The following GAREM1 variants were observed in gnomAD, a reference collection of about 807,000 sequenced individuals.
The protein encoded by GAREM1 is GRB2 associated regulator of MAPK1 subtype 1, also known as GRB2-associated and regulator of MAPK protein 1.
Under a neutral mutation model 71.3 loss-of-function variants are expected in GAREM1, and 26 were observed. The observed-to-expected ratio is 0.36, with a 90% CI of 0.27 to 0.51. The LOEUF is 0.51. Among genes scored for constraint, GAREM1 ranks in the 20% least tolerant of loss-of-function variants. The pLI, the probability that GAREM1 is intolerant of heterozygous loss-of-function variation, is 0.95. For synonymous variants in GAREM1, 440 were observed against 433.2 expected, an observed-to-expected ratio of 1.02 and a Z score of -0.20; for missense variants, 1,026 against 1,103.1, an observed-to-expected ratio of 0.93 and a Z score of 0.99.
intron 3 of GAREM1, among the ~76,000 whole-genome samples, chr18:32,307,078 T>G (rs932815993): frequency 2.0e-5 from 3 of 152,236 alleles, no homozygotes; most frequent in Non-Finnish European, 4.4e-5. Context: ...GTTAAAATTT[T>G]GCTACAGTTT....
chr18:32,351,449 G>T (rs998145633), intron 2 of GAREM1, among the ~76,000 whole-genome samples: 6 of 151,982 alleles, frequency 3.9e-5, no homozygotes, highest in African/African-American at 1.4e-4. Context: ...ATTAATAAAG[G>T]TTCAGACATT....
intron 2 of GAREM1, among the ~76,000 whole-genome samples, chr18:32,351,218 T>C (rs1274187411): frequency 2.6e-5 from 4 of 152,180 alleles, no homozygotes; most frequent in South Asian, 2.1e-4. Context: ...AGGCACCAGA[T>C]GAAACACATC....
At chr18:32,268,872 G>T (rs1327642697) in intron 5 of GAREM1, 104 bp from the exon 6 acceptor site, 1 of 902,210 alleles carries the variant, frequency 1.1e-6, no homozygotes, top group Non-Finnish European at 1.7e-6. Context: ...AGCGCAGTTA[G>T]TTTTGAATTC....
At chr18:32,293,635 T>C (rs949360896) in intron 3 of GAREM1, among the ~76,000 whole-genome samples, 3 of 152,148 alleles carry the variant, frequency 2.0e-5, no homozygotes, top group Non-Finnish European at 4.4e-5. Flanking sequence ...AGATCCAAAT[T>C]TATAGGAGTT....
At chr18:32,358,390 G>T (rs1316249889) in intron 2 of GAREM1, among the ~76,000 whole-genome samples, 1 of 151,962 alleles carries the variant, frequency 6.6e-6, no homozygotes, top group Admixed American at 6.6e-5. Flanking sequence ...TTCTCTCTGT[G>T]TACTCATTCA....
intron 2 of GAREM1, among the ~76,000 whole-genome samples, chr18:32,340,972 T>C (rs1191173920): frequency 6.6e-6 from 1 of 152,094 alleles, no homozygotes; most frequent in Non-Finnish European, 1.5e-5. Flanking sequence ...AGAATTGATG[T>C]GTATTGGATT....
chr18:32,284,265 T>C (rs2046985467), intron 4 of GAREM1, among the ~76,000 whole-genome samples: 1 of 152,238 alleles, frequency 6.6e-6, no homozygotes, highest in African/African-American at 2.4e-5. Context: ...TTCAGGTGTT[T>C]ATAAAAAATC....
chr18:32,326,167 G>A (rs1352687432), intron 2 of GAREM1, among the ~76,000 whole-genome samples: 9 of 152,182 alleles, frequency 5.9e-5, no homozygotes, highest in Admixed American at 5.9e-4. Context: ...AGAGGAAAGA[G>A]CTATGCAGAA....
At chr18:32,395,387 C>A (rs2048242482) in intron 1 of GAREM1, among the ~76,000 whole-genome samples, 1 of 152,140 alleles carries the variant, frequency 6.6e-6, no homozygotes, top group Non-Finnish European at 1.5e-5. Flanking sequence ...GAGAAGACAG[C>A]CAATACCAAT....
intron 2 of GAREM1, among the ~76,000 whole-genome samples, chr18:32,324,175 G>A (rs1319452623): frequency 6.6e-6 from 1 of 152,174 alleles, no homozygotes; most frequent in Non-Finnish European, 1.5e-5. Context: ...CAAAGCTGAG[G>A]TGTCTAGGAA....
At chr18:32,417,947 C>T (rs1405823162) in intron 1 of GAREM1, among the ~76,000 whole-genome samples, 1 of 152,080 alleles carries the variant, frequency 6.6e-6, no homozygotes, top group Non-Finnish European at 1.5e-5. Context: ...GATTATTATA[C>T]ACTGCATGCC....
Position 32,268,132 on chromosome 18 carries a change from C to G in GAREM1, c.2370G>C (p.Gln790His). The G allele has an allele frequency of 6.2e-7, 1 of 1,614,088 alleles. No individual in the cohort carries two copies. ...CGTCGCCACAGGATCTGGGGGCCAG[C>G]TGGAGATGGAGCGGAGATGAGAAAG... The part of the protein sequence containing the change: ...SYPFSSPLHL[Q>H]LAPRSCGDGS... Residue 790 changes from glutamine (Q) to histidine (H), a missense_variant, in exon 6 of 6, where the codon CAG becomes CAC. Gln to His is a conservative substitution (Grantham distance 24). Coordinates refer to ENST00000269209, the MANE Select transcript of GAREM1 (RefSeq NM_001242409.2).
intron 1 of GAREM1, among the ~76,000 whole-genome samples, chr18:32,445,385 T>C (rs2048776703): frequency 6.6e-6 from 1 of 152,168 alleles, no homozygotes. Flanking sequence ...AGAACAGATT[T>C]GTAAGCAGTA....
At chr18:32,451,059 A>T (rs2144292542) in intron 1 of GAREM1, among the ~76,000 whole-genome samples, 1 of 152,280 alleles carries the variant, frequency 6.6e-6, no homozygotes, top group African/African-American at 2.4e-5. Context: ...CTGAGGTGGC[A>T]GAACCACTTG....
intron 3 of GAREM1, among the ~76,000 whole-genome samples, chr18:32,290,703 A>T (rs1465710320): frequency 1.3e-5 from 2 of 152,034 alleles, no homozygotes; most frequent in Non-Finnish European, 2.9e-5. Flanking sequence ...AACTAACAAG[A>T]TGTACAATGG....
At chr18:32,309,368 C>G (rs1227163139) in intron 3 of GAREM1, among the ~76,000 whole-genome samples, 1 of 149,118 alleles carries the variant, frequency 6.7e-6, no homozygotes, top group Non-Finnish European at 1.5e-5. Context: ...GTAATCCCAG[C>G]ACTTTGGGAG....
chr18:32,309,297 A>G (rs188185351), intron 3 of GAREM1, among the ~76,000 whole-genome samples: 2 of 149,582 alleles, frequency 1.3e-5, no homozygotes, highest in Admixed American at 6.7e-5. Flanking sequence ...CAACATCTGG[A>G]CAAGGACTGC....
intron 2 of GAREM1, among the ~76,000 whole-genome samples, chr18:32,324,263 C>T (rs955149928): frequency 5.3e-5 from 8 of 152,170 alleles, no homozygotes; most frequent in South Asian, 2.1e-4. Flanking sequence ...AGCCAAACTG[C>T]GTACACAGAG....
intron 4 of GAREM1, among the ~76,000 whole-genome samples, chr18:32,274,194 A>G (rs918230828): frequency 1.3e-5 from 2 of 152,146 alleles, no homozygotes; most frequent in African/African-American, 4.8e-5. Context: ...GGTGGGCTGT[A>G]TGCGTTCTGG....
Sources: gnomAD v4.1 joint callset for allele counts (sites outside exome capture counted in the v4.1 genomes callset) on GRCh38, gnomAD v4.1.1 for gene constraint, MANE v1.5 for transcripts, NCBI Gene and HGNC (gene_info 2026-07-23, HGNC 2026-07-21) for gene names.